THADA: variants seen among roughly 807,000 people sequenced by gnomAD.
THADA encodes tRNA (32-2'-O)-methyltransferase regulator THADA.
THADA carries 213 observed loss-of-function variants against 219.8 expected under a neutral mutation model. That is an observed-to-expected ratio of 0.97 (90% CI 0.87 to 1.09). The LOEUF is 1.09. Ranked by LOEUF, THADA falls within the 50% of genes least tolerant of loss-of-function variation. The pLI, the probability that THADA is intolerant of heterozygous loss-of-function variation, is 0.00. For synonymous variants in THADA, 1,018 were observed against 828.9 expected, an observed-to-expected ratio of 1.23 and a Z score of -3.92; for missense variants, 2,956 against 2,311.3, an observed-to-expected ratio of 1.28 and a Z score of -5.72.
chr2:43,325,042 C>CT (rs1573072445), intron 30 of THADA, among the ~76,000 whole-genome samples: 1 of 152,172 alleles, frequency 6.6e-6, no homozygotes, highest in South Asian at 2.1e-4. Flanking sequence ...TTCTTCCACT[C>CT]TTTTTTACCA....
At chr2:43,474,488 G>T (rs1387522999) in intron 26 of THADA, among the ~76,000 whole-genome samples, 1 of 152,048 alleles carries the variant, frequency 6.6e-6, no homozygotes, top group African/African-American at 2.4e-5. Context: ...CAAAGATTTC[G>T]ACCATATTTT....
At chr2:43,513,508 A>G (rs1168167655) in intron 22 of THADA, among the ~76,000 whole-genome samples, 3 of 152,224 alleles carry the variant, frequency 2.0e-5, no homozygotes, top group Admixed American at 1.3e-4. Flanking sequence ...AAAAAGGGCT[A>G]CTGCCAGAGC....
chr2:43,263,049 C>CT, intron 36 of THADA, among the ~76,000 whole-genome samples: 1 of 152,202 alleles, frequency 6.6e-6, no homozygotes, highest in Non-Finnish European at 1.5e-5. Flanking sequence ...AATCTGGTCC[C>CT]TATCTACCTT....
At chr2:43,444,374 C>A (rs937590533) in intron 26 of THADA, among the ~76,000 whole-genome samples, 7 of 152,200 alleles carry the variant, frequency 4.6e-5, no homozygotes, top group African/African-American at 1.7e-4. Flanking sequence ...ACCTTGACAC[C>A]AAGAACAACT....
chr2:43,268,464 C>G (rs960153854), intron 36 of THADA, among the ~76,000 whole-genome samples: 2 of 152,212 alleles, frequency 1.3e-5, no homozygotes, highest in Non-Finnish European at 2.9e-5. Flanking sequence ...CTCCATTCTG[C>G]TCTTCTGCCC....
intron 29 of THADA, among the ~76,000 whole-genome samples, chr2:43,384,833 A>G (rs554219805): frequency 6.7e-6 from 1 of 149,098 alleles, no homozygotes; most frequent in South Asian, 2.1e-4. Context: ...ATAACTAAAT[A>G]AACAAACTTA....
intron 26 of THADA, among the ~76,000 whole-genome samples, chr2:43,457,636 G>A (rs1683173717): frequency 6.6e-6 from 1 of 152,010 alleles, no homozygotes; most frequent in African/African-American, 2.4e-5. Context: ...CCATTAAACT[G>A]GTGTTTCATA....
intron 21 of THADA, among the ~76,000 whole-genome samples, chr2:43,529,260 T>C (rs373473398): frequency 7.9e-5 from 12 of 152,224 alleles, no homozygotes; most frequent in East Asian, 5.8e-4. Context: ...TCAAGGAGTT[T>C]GAGGTTACAG....
At position 43,464,464 on chromosome 2, in the gene THADA, T is replaced by C. The variant is rs574378899; in HGVS notation, c.3836+20770A>G. ...CTTATGAAGTGGACTGGTATTTATG[T>C]GCATCTTTGTTTATGTGTGTTTAGT... On this transcript the variant is annotated intron_variant, in intron 26 of 37. Transcript: ENST00000405975. 3.3e-5 allele frequency among the ~76,000 whole-genome samples: 5 copies of C among 152,342 alleles called. No individual in the cohort carries two copies. The South Asian group carries it at 6.2e-4, about 19-fold the overall frequency.
chr2:43,471,868 CTAAGAA>C lies in THADA; in HGVS notation c.3836+13360_3836+13365del, dbSNP rs541314084. On this transcript the variant is annotated intron_variant, in intron 26 of 37. Coordinates refer to ENST00000405975, the MANE Select transcript of THADA (RefSeq NM_022065.5). ...TCATTTCCAGCACACTGTATGCTCC[CTAAGAA>C]TAAGTTGCTAATGCCTGCACTAAGT... is the stretch of plus-strand genomic sequence containing the variant. 8.4e-4 allele frequency among the ~76,000 whole-genome samples: 128 copies of C among 152,274 alleles called. 1 individual carries two copies. The highest frequency in any genetic ancestry group is 2.7e-3 in the African/African-American group (111 of 41,548).
chr2:43,591,374 T>C (rs1362603833), intron 3 of THADA, among the ~76,000 whole-genome samples: 1 of 152,050 alleles, frequency 6.6e-6, no homozygotes, highest in Non-Finnish European at 1.5e-5. Flanking sequence ...TTTTCCATAC[T>C]CCACTGTCAA....
intron 29 of THADA, among the ~76,000 whole-genome samples, chr2:43,371,275 C>T (rs1468754632): frequency 2.0e-5 from 3 of 152,174 alleles, no homozygotes; most frequent in African/African-American, 7.2e-5. Context: ...CTGACCACCA[C>T]TCCTAATGCA....
At chr2:43,585,369 T>G (rs1325544981) in intron 7 of THADA, among the ~76,000 whole-genome samples, 1 of 136,754 alleles carries the variant, frequency 7.3e-6, no homozygotes, top group Non-Finnish European at 1.6e-5. Flanking sequence ...AAAAAAAAAA[T>G]TAGCCAAGCA....
intron 29 of THADA, among the ~76,000 whole-genome samples, chr2:43,353,344 CTTGTTTT>C (rs1668502334): frequency 6.6e-6 from 1 of 152,000 alleles, no homozygotes; most frequent in Non-Finnish European, 1.5e-5. Flanking sequence ...ACGCTTATCT[CTTGTTTT>C]TTGATAACAG....
chr2:43,357,592 G>A (rs1669010827), intron 29 of THADA, among the ~76,000 whole-genome samples: 1 of 152,152 alleles, frequency 6.6e-6, no homozygotes, highest in Non-Finnish European at 1.5e-5. Context: ...AGCAGCACTG[G>A]TTGTATGGAA....
chr2:43,453,916 A>G (rs1478385926), intron 26 of THADA, among the ~76,000 whole-genome samples: 2 of 152,200 alleles, frequency 1.3e-5, no homozygotes, highest in Non-Finnish European at 2.9e-5. Flanking sequence ...TTTTTAAGAG[A>G]CAGTGTCTTG....
At chr2:43,343,418 C>G (rs996580669) in intron 30 of THADA, 5 of 152,210 alleles carry the variant, frequency 3.3e-5, no homozygotes, top group African/African-American at 1.2e-4. Flanking sequence ...TGGAGCTACT[C>G]TGGTGGAACT....
intron 10 of THADA, 113 bp downstream of exon 10, chr2:43,576,909 C>G: frequency 2.2e-6 from 2 of 894,890 alleles, no homozygotes; most frequent in Non-Finnish European, 3.5e-6. Context: ...CTTGCCTCAG[C>G]CTACTGGGAG....
chr2:43,309,687 A>G (rs1677266077), intron 31 of THADA, among the ~76,000 whole-genome samples: 1 of 152,200 alleles, frequency 6.6e-6, no homozygotes, highest in South Asian at 2.1e-4. Context: ...CACAGCTAAC[A>G]TCATACTTAA....
Sources: allele counts gnomAD v4.1 joint callset (sites outside exome capture counted in the v4.1 genomes callset), GRCh38; gene constraint gnomAD v4.1.1; transcripts MANE v1.5; gene names NCBI Gene and HGNC (gene_info 2026-07-23, HGNC 2026-07-21).